Variants in FCHSD2 observed in about 807,000 individuals in gnomAD.
The protein encoded by FCHSD2 is F-BAR and double SH3 domains protein 2.
FCHSD2 carries 38 observed loss-of-function variants against 108.1 expected under a neutral mutation model. That is an observed-to-expected ratio of 0.35 (90% CI 0.27 to 0.46). The LOEUF (loss-of-function observed/expected upper bound fraction) is 0.46. FCHSD2 is among the 20% of genes least tolerant of loss of function. The probability of loss-of-function intolerance (pLI) is 1.00; values close to 1 mark genes in which losing one functional copy is unlikely to be tolerated. For missense variants in FCHSD2, 751 were observed against 897.8 expected (o/e 0.84, Z 2.09); for synonymous variants, 279 against 314.7 (o/e 0.89, Z 1.20).
In FCHSD2 at chr11:73,142,138, A is replaced by G; in HGVS notation, c.-261T>C. 3.4e-6 allele frequency: 1 copy of G among 296,330 alleles called. No individual in the cohort carries two copies. The highest frequency in any genetic ancestry group is 6.2e-6 in the Non-Finnish European group (1 of 160,456). The allele number at this position is 296,330 out of a possible 1,614,324, so 18.4% of individuals were successfully genotyped here. ...CCGGGCGGCCCGGGGGTGTGTGAGG[A>G]AGGAGGCGGAGACGGCGAGGGGGCG... On this transcript the variant is annotated 5_prime_UTR_variant, in exon 1 of 20. Transcript: ENST00000409418.
At chr11:73,016,737 T>C (rs1177106632) in intron 3 of FCHSD2, among the ~76,000 whole-genome samples, 1 of 152,236 alleles carries the variant, frequency 6.6e-6, no homozygotes, top group Non-Finnish European at 1.5e-5. Context: ...AAGGGTCTTT[T>C]CTTTTTAAAT....
At chr11:73,011,421 C>A (rs536134703) in intron 4 of FCHSD2, among the ~76,000 whole-genome samples, 1 of 152,186 alleles carries the variant, frequency 6.6e-6, no homozygotes, top group Non-Finnish European at 1.5e-5. Flanking sequence ...CAGCACCACT[C>A]GCTCCCCAGC....
intron 3 of FCHSD2, 135 bp downstream of exon 3, chr11:73,083,557 GAAA>G: frequency 4.0e-6 from 2 of 499,198 alleles, no homozygotes; most frequent in Non-Finnish European, 3.5e-6. Context: ...CAGAAAAAAA[GAAA>G]AAAAAAAAAA....
At chr11:73,087,598 G>A (rs944363139) in intron 2 of FCHSD2, among the ~76,000 whole-genome samples, 2 of 151,740 alleles carry the variant, frequency 1.3e-5, no homozygotes, top group Non-Finnish European at 2.9e-5. Flanking sequence ...CCAGCTACTC[G>A]GAAGGCTGAG....
chr11:73,132,718 G>A lies in FCHSD2; in HGVS notation c.119+7313C>T, dbSNP rs112820916. ...GTGCAACTGTAGTCCTAGCTACTCC[G>A]GAGGCTGGGGTGAGAGGATTGCTTG... is the stretch of plus-strand genomic sequence containing the variant. On this transcript the variant is annotated intron_variant, in intron 2 of 19. Transcript: ENST00000409418. Among the ~76,000 whole-genome samples, 825 of 151,900 alleles carry A rather than the reference G, an allele frequency of 5.4e-3. 4 individuals are homozygous for A. The highest frequency in any genetic ancestry group is 0.014 in the South Asian group (68 of 4,816).
intron 13 of FCHSD2, among the ~76,000 whole-genome samples, chr11:72,852,276 G>A (rs780274858): frequency 6.6e-6 from 1 of 152,166 alleles, no homozygotes; most frequent in Non-Finnish European, 1.5e-5. Context: ...GCTGGTGGGA[G>A]TATAAATTAG....
intron 3 of FCHSD2, among the ~76,000 whole-genome samples, chr11:73,053,249 A>G (rs1421820607): frequency 6.6e-6 from 1 of 151,896 alleles, no homozygotes; most frequent in Non-Finnish European, 1.5e-5. Flanking sequence ...AAATTTGATA[A>G]AAACATTTTC....
chr11:72,919,953 T>C (rs376681390), intron 9 of FCHSD2, among the ~76,000 whole-genome samples: 1 of 151,968 alleles, frequency 6.6e-6, no homozygotes, highest in East Asian at 1.9e-4. Context: ...AAAATAGATA[T>C]AAAACAAAAG....
chr11:72,906,524 G>A (rs1276186848), intron 9 of FCHSD2, among the ~76,000 whole-genome samples: 1 of 152,140 alleles, frequency 6.6e-6, no homozygotes, highest in African/African-American at 2.4e-5. Context: ...GAATGGTATT[G>A]CCTAGGTTTT....
intron 10 of FCHSD2, among the ~76,000 whole-genome samples, chr11:72,892,610 T>C (rs1448584392): frequency 1.3e-5 from 2 of 152,114 alleles, no homozygotes; most frequent in Admixed American, 1.3e-4. Flanking sequence ...GTTTGTTTTG[T>C]TTTTTGTTTT....
chr11:72,894,671 G>A (rs181948780), intron 10 of FCHSD2, among the ~76,000 whole-genome samples: 1 of 152,152 alleles, frequency 6.6e-6, no homozygotes, highest in East Asian at 1.9e-4. Context: ...CCAACTACAC[G>A]TTTGTACAGG....
chr11:72,910,537 C>A (rs1463724228), intron 9 of FCHSD2, among the ~76,000 whole-genome samples: 2 of 152,156 alleles, frequency 1.3e-5, no homozygotes, highest in African/African-American at 4.8e-5. Context: ...CAACCCCATG[C>A]TCTTTGAAAC....
At chr11:72,951,197 C>T (rs1014119803) in intron 8 of FCHSD2, among the ~76,000 whole-genome samples, 1 of 152,118 alleles carries the variant, frequency 6.6e-6, no homozygotes, top group Admixed American at 6.5e-5. Context: ...TTGGGTCTTC[C>T]TATTCTAATT....
At chr11:73,070,495 C>T (rs1258039539) in intron 3 of FCHSD2, among the ~76,000 whole-genome samples, 1 of 152,152 alleles carries the variant, frequency 6.6e-6, no homozygotes, top group African/African-American at 2.4e-5. Context: ...ACGACCTTGG[C>T]TCACTGCAAC....
At chr11:72,870,947 T>C (rs1854844135) in intron 12 of FCHSD2, among the ~76,000 whole-genome samples, 1 of 150,754 alleles carries the variant, frequency 6.6e-6, no homozygotes, top group Admixed American at 6.6e-5. Context: ...CTTGGCTGCC[T>C]TTATTGACTA....
chr11:72,928,203 TA>T (rs1274303453), intron 8 of FCHSD2, among the ~76,000 whole-genome samples: 1 of 151,594 alleles, frequency 6.6e-6, no homozygotes, highest in Non-Finnish European at 1.5e-5. Context: ...AAATTTTTCA[TA>T]AAAAAGCATA....
At chr11:73,028,587 G>A (rs1268809799) in intron 3 of FCHSD2, among the ~76,000 whole-genome samples, 1 of 152,172 alleles carries the variant, frequency 6.6e-6, no homozygotes, top group Non-Finnish European at 1.5e-5. Flanking sequence ...AGACTTTGGT[G>A]GACTGTTGAG....
intron 4 of FCHSD2, among the ~76,000 whole-genome samples, chr11:73,004,359 C>G (rs1302010433): frequency 6.6e-6 from 1 of 152,092 alleles, no homozygotes; most frequent in East Asian, 1.9e-4. Context: ...CTAGATTCTG[C>G]CATTACTAAT....
chr11:72,982,366 A>G (rs1857230134), intron 8 of FCHSD2, among the ~76,000 whole-genome samples: 1 of 152,206 alleles, frequency 6.6e-6, no homozygotes, highest in South Asian at 2.1e-4. Flanking sequence ...CCCATTCACA[A>G]TTGCTGATTT....
Sources: gnomAD v4.1 joint callset for allele counts (sites outside exome capture counted in the v4.1 genomes callset) on GRCh38, gnomAD v4.1.1 for gene constraint, MANE v1.5 for transcripts, NCBI Gene and HGNC (gene_info 2026-07-23, HGNC 2026-07-21) for gene names.